The following AGAP1 variants were observed in gnomAD, a reference collection of about 807,000 sequenced individuals.
AGAP1 encodes the protein ArfGAP with GTPase domain, ankyrin repeat and PH domain 1, also known as arf-GAP with GTPase, ANK repeat and PH domain-containing protein 1.
Under a neutral mutation model 105.3 loss-of-function variants are expected in AGAP1, and 29 were observed. That is an observed-to-expected ratio of 0.28 (90% CI 0.21 to 0.38). The LOEUF (loss-of-function observed/expected upper bound fraction) is 0.38. Ranked by LOEUF, AGAP1 falls within the 10% of genes least tolerant of loss-of-function variation. The pLI, the probability that AGAP1 is intolerant of heterozygous loss-of-function variation, is 1.00. For missense variants in AGAP1, 998 were observed against 1,165.1 expected (o/e 0.86, Z 2.09); for synonymous variants, 509 against 485.9 (o/e 1.05, Z -0.63).
chr2:236,099,211 G>A (rs2059278139), intron 16 of AGAP1, among the ~76,000 whole-genome samples: 1 of 152,124 alleles, frequency 6.6e-6, no homozygotes, highest in Non-Finnish European at 1.5e-5. Flanking sequence ...CCAGCACTTT[G>A]GGAGGCCGAG....
At chr2:235,890,609 G>A (rs1266440645) in intron 10 of AGAP1, among the ~76,000 whole-genome samples, 3 of 152,200 alleles carry the variant, frequency 2.0e-5, no homozygotes, top group Admixed American at 1.3e-4. Context: ...GCCTGTCCAG[G>A]AGCTGGAGCA....
chr2:235,778,986 G>T (rs369192020), intron 6 of AGAP1, among the ~76,000 whole-genome samples: 1 of 152,222 alleles, frequency 6.6e-6, no homozygotes, highest in Non-Finnish European at 1.5e-5. Flanking sequence ...CATATCCTGT[G>T]TGTATGTTTT....
rs557628926 is a variant in AGAP1, at chr2:235,565,840, A to G, written c.163+70991A>G. On this transcript the variant is annotated intron_variant, in intron 1 of 17. Transcript: ENST00000304032. ...CACGCCAGGCTCATTTTTTATTTTG[A>G]TAGAGACAGGGTTTTACCATGTTGC... 1.1e-4 allele frequency among the ~76,000 whole-genome samples: 16 copies of G among 151,950 alleles called. 1 individual carries two copies. Among genetic ancestry groups the G allele is most frequent in the Admixed American group, 9.8e-4 (15 of 15,252 alleles).
chr2:235,766,752 A>G (rs1269145509), intron 6 of AGAP1, among the ~76,000 whole-genome samples: 1 of 152,006 alleles, frequency 6.6e-6, no homozygotes, highest in Non-Finnish European at 1.5e-5. Flanking sequence ...TTTCTTTTGT[A>G]TTTTTTTGAG....
rs193108938 is a variant in AGAP1, at chr2:235,552,091, T to G, written c.163+57242T>G. On this transcript the variant is annotated intron_variant, in intron 1 of 17. Transcript: ENST00000304032. The surrounding 1 kb of genome is among the most constrained non-coding windows in gnomAD (Gnocchi z 5.9). ...GTTTGTTGTGTGCTTGGCTGTTCAGTGCCCCATAACTGGCCGCGGTACTGC... is the reference window on the plus strand; with the variant it reads ...GTTTGTTGTGTGCTTGGCTGTTCAGGGCCCCATAACTGGCCGCGGTACTGC... 1.4e-3 allele frequency among the ~76,000 whole-genome samples: 219 copies of G among 152,290 alleles called. 1 individual carries two copies. Among genetic ancestry groups the G allele is most frequent in the African/African-American group, 4.9e-3 (204 of 41,570 alleles).
rs71039713 is a variant in AGAP1, at chr2:236,122,680, A to ATTTTTTT, written c.2371-1225_2371-1219dup. 1.7e-3 allele frequency among the ~76,000 whole-genome samples: 211 copies of ATTTTTTT among 123,588 alleles called. 1 individual carries two copies. The highest frequency in any genetic ancestry group is 2.4e-3 in the Non-Finnish European group (147 of 61,054). The allele number at this position is 123,588 out of a possible 152,430, so 81.1% of individuals were successfully genotyped here. On this transcript the variant is annotated intron_variant, in intron 17 of 17. Transcript: ENST00000304032. ...CCGGGCACTGTTTCTTCCAGTGACA[A>ATTTTTTT]TTTTTTTTTTTTTTTTTTTTGAGAC...
rs1437553957 is a variant in AGAP1, at chr2:235,664,175, G to A, written c.164-45004G>A. On this transcript the variant is annotated intron_variant, in intron 1 of 17. Transcript: ENST00000304032. The surrounding 1 kb of genome is among the most constrained non-coding windows in gnomAD (Gnocchi z 5.7). ...GTTGTTTGTGTTGGCTCTGTAAAAC[G>A]ATGCTTAATAGATTGGATTTTAATA... Among the ~76,000 whole-genome samples the A allele has an allele frequency of 2.0e-5, 3 of 152,080 alleles. No homozygotes were observed. The highest frequency in any genetic ancestry group is 1.9e-4 in the East Asian group (1 of 5,184).
chr2:235,951,097 A>G lies in AGAP1; in HGVS notation c.1484-17365A>G, dbSNP rs546129965. Among the ~76,000 whole-genome samples, 6 of 152,304 alleles carry G rather than the reference A, an allele frequency of 3.9e-5. No homozygotes were observed. Among genetic ancestry groups the G allele is most frequent in the African/African-American group, 1.4e-4 (6 of 41,584 alleles). Reference sequence around the variant, plus strand: ...TTAATTCTAGTTTTTAAATATCATTAATTCTGGAGGTTGCACTCTGAATGA... The same window carrying G: ...TTAATTCTAGTTTTTAAATATCATTGATTCTGGAGGTTGCACTCTGAATGA... On this transcript the variant is annotated intron_variant, in intron 12 of 17. Coordinates refer to ENST00000304032, the MANE Select transcript of AGAP1 (RefSeq NM_001037131.3). This position sits in a 1 kb window ranked among gnomAD's most constrained non-coding sequence, Gnocchi z 4.2.
At position 236,050,717 on chromosome 2, in the gene AGAP1, A is replaced by G. The variant is rs2057872605; in HGVS notation, c.2114+1436A>G. Among the ~76,000 whole-genome samples the G allele has an allele frequency of 6.6e-6, 1 of 152,248 alleles. No homozygotes were observed. Among genetic ancestry groups the G allele is most frequent in the Admixed American group, 6.5e-5 (1 of 15,288 alleles). On this transcript the variant is annotated intron_variant, in intron 16 of 17. Coordinates refer to ENST00000304032, the MANE Select transcript of AGAP1 (RefSeq NM_001037131.3). The surrounding 1 kb of genome is among the most constrained non-coding windows in gnomAD (Gnocchi z 4.0). ...CAGAAAACATTGAAATAAGCTGGAA[A>G]AATCTATGCATCTTACTGTTTATAT...
Position 236,087,565 on chromosome 2 carries a change from C to T in AGAP1, c.2115-32627C>T, listed in dbSNP as rs1305849934. Among the ~76,000 whole-genome samples the T allele has an allele frequency of 6.6e-6, 1 of 152,178 alleles. No individual in the cohort carries two copies. Among genetic ancestry groups the T allele is most frequent in the Non-Finnish European group, 1.5e-5 (1 of 68,040 alleles). ...CCCATGACGGGCTACTTGGACGGCTCATGCCCACCTCTGACTAGTTTGATG... is the reference window on the plus strand; with the variant it reads ...CCCATGACGGGCTACTTGGACGGCTTATGCCCACCTCTGACTAGTTTGATG... On this transcript the variant is annotated intron_variant, in intron 16 of 17. Transcript: ENST00000304032. The surrounding 1 kb of genome is among the most constrained non-coding windows in gnomAD (Gnocchi z 5.7).
Position 235,908,626 on chromosome 2 carries a change from T to C in AGAP1, c.1156-112T>C. On this transcript the variant is annotated intron_variant, in intron 10 of 17. Coordinates refer to ENST00000304032, the MANE Select transcript of AGAP1 (RefSeq NM_001037131.3). This position sits in a 1 kb window ranked among gnomAD's most constrained non-coding sequence, Gnocchi z 4.4. ...ATGATTTTTAAAGTACTTTCCACAGTGGAAGGGTCATAGGGTTTTAACTCA... is the reference window on the plus strand; with the variant it reads ...ATGATTTTTAAAGTACTTTCCACAGCGGAAGGGTCATAGGGTTTTAACTCA... The C allele has an allele frequency of 1.1e-6, 1 of 926,436 alleles. No individual in the cohort carries two copies. Among genetic ancestry groups the C allele is most frequent in the Non-Finnish European group, 1.6e-6 (1 of 623,888 alleles). 57.4% of individuals were successfully genotyped at this position (926,436 alleles called of 1,614,324 possible).
Position 236,092,974 on chromosome 2 carries a change from G to A in AGAP1, c.2115-27218G>A, listed in dbSNP as rs574793327. On this transcript the variant is annotated intron_variant, in intron 16 of 17. Coordinates refer to ENST00000304032, the MANE Select transcript of AGAP1 (RefSeq NM_001037131.3). The surrounding 1 kb of genome is among the most constrained non-coding windows in gnomAD (Gnocchi z 4.7). ...ACTGGCCAAATCTGGAACAATTGAAGCATCTAAAAGAATAGTGTTGGTGGC... is the reference window on the plus strand; with the variant it reads ...ACTGGCCAAATCTGGAACAATTGAAACATCTAAAAGAATAGTGTTGGTGGC... Among the ~76,000 whole-genome samples the A allele has an allele frequency of 6.6e-6, 1 of 152,306 alleles. No individual in the cohort carries two copies. The highest frequency in any genetic ancestry group is 2.1e-4 in the South Asian group (1 of 4,826).
chr2:236,007,991 AT>A (rs1223887629), intron 13 of AGAP1, among the ~76,000 whole-genome samples: 13 of 152,230 alleles, frequency 8.5e-5, no homozygotes, highest in African/African-American at 3.1e-4. Flanking sequence ...TCCACACGTC[AT>A]TTGGTTTTGA....
At chr2:235,821,587 A>G (rs1350329848) in intron 9 of AGAP1, among the ~76,000 whole-genome samples, 1 of 152,150 alleles carries the variant, frequency 6.6e-6, no homozygotes, top group African/African-American at 2.4e-5. Context: ...AGAAATTTGC[A>G]AAAAATAATA....
intron 9 of AGAP1, among the ~76,000 whole-genome samples, chr2:235,811,135 T>C (rs1300521067): frequency 1.3e-5 from 2 of 152,224 alleles, no homozygotes; most frequent in African/African-American, 2.4e-5. Context: ...GGACAGCAGC[T>C]GTGTGCTCTC....
rs2055713456 is a variant in AGAP1, at chr2:235,994,677, A to T, written c.1645+26054A>T. Among the ~76,000 whole-genome samples, 1 of 149,722 alleles carries T rather than the reference A, an allele frequency of 6.7e-6. No homozygotes were observed. Among genetic ancestry groups the T allele is most frequent in the South Asian group, 2.1e-4 (1 of 4,690 alleles). On this transcript the variant is annotated intron_variant, in intron 13 of 17. Coordinates refer to ENST00000304032, the MANE Select transcript of AGAP1 (RefSeq NM_001037131.3). The surrounding 1 kb of genome is among the most constrained non-coding windows in gnomAD (Gnocchi z 4.4). ...GGGGCAGCAGTGGAGAGCTCGGCTCAAAGTGCGAAGTTGTTTAGATTTCCA... is the reference window on the plus strand; with the variant it reads ...GGGGCAGCAGTGGAGAGCTCGGCTCTAAGTGCGAAGTTGTTTAGATTTCCA...
At chr2:235,525,292 C>T (rs536172634) in intron 1 of AGAP1, among the ~76,000 whole-genome samples, 1 of 151,672 alleles carries the variant, frequency 6.6e-6, no homozygotes, top group African/African-American at 2.4e-5. Context: ...ATGTGGAGGA[C>T]TGATACATAA....
chr2:235,935,301 C>A (rs1464735640), intron 12 of AGAP1, among the ~76,000 whole-genome samples: 1 of 152,196 alleles, frequency 6.6e-6, no homozygotes, highest in African/African-American at 2.4e-5. Context: ...GATCCCTCCT[C>A]TGCTGAGTAC....
intron 1 of AGAP1, among the ~76,000 whole-genome samples, chr2:235,686,793 A>G (rs942936059): frequency 6.7e-6 from 1 of 150,254 alleles, no homozygotes; most frequent in South Asian, 2.1e-4. Context: ...AGCTGAGACT[A>G]CAGACACATG....
Sources: allele counts gnomAD v4.1 joint callset (sites outside exome capture counted in the v4.1 genomes callset), GRCh38; gene constraint gnomAD v4.1.1; non-coding constraint Gnocchi (gnomAD v3.1); transcripts MANE v1.5; gene names NCBI Gene and HGNC (gene_info 2026-07-23, HGNC 2026-07-21).